The following ROBO2 variants were observed in gnomAD, a reference collection of about 807,000 sequenced individuals.
ROBO2 encodes the protein roundabout homolog 2.
Under a neutral mutation model 160.8 loss-of-function variants are expected in ROBO2, and 53 were observed. That is an observed-to-expected ratio of 0.33 (90% CI 0.26 to 0.41). The LOEUF (loss-of-function observed/expected upper bound fraction) is 0.41. ROBO2 is among the 10% of genes least tolerant of loss of function. The pLI, the probability that ROBO2 is intolerant of heterozygous loss-of-function variation, is 1.00. For missense variants in ROBO2, 1,577 were observed against 1,722.4 expected, an observed-to-expected ratio of 0.92 and a Z score of 1.49; for synonymous variants, 664 against 611.7, an observed-to-expected ratio of 1.09 and a Z score of -1.26.
In ROBO2 at chr3:76,194,353, A is replaced by ATATATATATATATATAT. The variant is rs1553672736; in HGVS notation, c.109+256751_109+256752insTATATATATATATATAT. 4.2e-4 allele frequency among the ~76,000 whole-genome samples: 40 copies of ATATATATATATATATAT among 94,520 alleles called. 6 individuals are homozygous for ATATATATATATATATAT. Among genetic ancestry groups the ATATATATATATATATAT allele is most frequent in the South Asian group, 1.0e-3 (3 of 2,982 alleles). The allele number at this position is 94,520 out of a possible 152,430, so 62.0% of individuals were successfully genotyped here. On this transcript the variant is annotated intron_variant, in intron 2 of 26. Coordinates refer to the ROBO2 transcript ENST00000487694. ...TCTATATAAATATGTATGGTGTGTAAATATATATATATATATATATATATA... is the reference window on the plus strand; with the variant it reads ...TCTATATAAATATGTATGGTGTGTAATATATATATATATATATATATATATATATATATATATATATA...
At chr3:77,548,236 A>G (rs1241328228) in intron 7 of ROBO2, among the ~76,000 whole-genome samples, 1 of 152,084 alleles carries the variant, frequency 6.6e-6, no homozygotes, top group Admixed American at 6.6e-5. Flanking sequence ...TTGTAGTGCT[A>G]TTTAAATGTA....
At chr3:76,258,749 A>G (rs1287015940) in intron 2 of ROBO2, among the ~76,000 whole-genome samples, 1 of 152,104 alleles carries the variant, frequency 6.6e-6, no homozygotes, top group Non-Finnish European at 1.5e-5. Flanking sequence ...TATTCTCAAC[A>G]TATAACTGAA....
At chr3:76,804,281 C>CA (rs1308513536) in intron 2 of ROBO2, among the ~76,000 whole-genome samples, 21 of 152,242 alleles carry the variant, frequency 1.4e-4, no homozygotes, top group African/African-American at 5.1e-4. Flanking sequence ...ACAAAAGTCT[C>CA]AGAAGAGATC....
intron 2 of ROBO2, among the ~76,000 whole-genome samples, chr3:77,154,910 T>TGG (rs1380210674): frequency 6.6e-6 from 1 of 151,850 alleles, no homozygotes; most frequent in Non-Finnish European, 1.5e-5. Context: ...AGCTACCTAT[T>TGG]GGGTACTAGA....
intron 2 of ROBO2, among the ~76,000 whole-genome samples, chr3:77,465,216 A>G (rs1219753589): frequency 6.6e-6 from 1 of 152,208 alleles, no homozygotes; most frequent in Non-Finnish European, 1.5e-5. Context: ...TTTTAGTAAT[A>G]TGGCATAATG....
intron 2 of ROBO2, among the ~76,000 whole-genome samples, chr3:76,884,908 G>A (rs978685171): frequency 6.6e-6 from 1 of 152,050 alleles, no homozygotes; most frequent in African/African-American, 2.4e-5. Flanking sequence ...CCTGCCAATA[G>A]CTTAAAGAGG....
intron 2 of ROBO2, among the ~76,000 whole-genome samples, chr3:77,325,099 A>G (rs1016586497): frequency 2.0e-5 from 3 of 152,238 alleles, no homozygotes; most frequent in Admixed American, 1.3e-4. Context: ...GAAATGATTC[A>G]TAAGTATTGC....
Position 75,975,645 on chromosome 3 carries a change from A to G in ROBO2, c.109+38043A>G, listed in dbSNP as rs74362017. ...CAACAATTATGACATTTAATCAACA[A>G]TGTGGTTGATGGAAGCCTTAAGAAA... On this transcript the variant is annotated intron_variant, in intron 2 of 26. Coordinates refer to the ROBO2 transcript ENST00000487694. 6.2e-3 allele frequency among the ~76,000 whole-genome samples: 946 copies of G among 151,666 alleles called. 18 individuals carry two copies. The highest frequency in any genetic ancestry group is 0.021 in the African/African-American group (887 of 41,472).
intron 2 of ROBO2, among the ~76,000 whole-genome samples, chr3:76,056,640 A>T (rs781539396): frequency 6.6e-6 from 1 of 152,222 alleles, no homozygotes; most frequent in Non-Finnish European, 1.5e-5. Flanking sequence ...CCTTCAGAAT[A>T]CTTAGCATAC....
chr3:76,659,586 C>T (rs1463352740), intron 2 of ROBO2, among the ~76,000 whole-genome samples: 4 of 151,966 alleles, frequency 2.6e-5, no homozygotes, highest in Non-Finnish European at 4.4e-5. Context: ...TGTTCTGGTG[C>T]CCATAATGGC....
chr3:77,378,638 T>G (rs1036546244), intron 2 of ROBO2, among the ~76,000 whole-genome samples: 5 of 152,182 alleles, frequency 3.3e-5, no homozygotes, highest in African/African-American at 1.2e-4. Flanking sequence ...AATAGAGAGA[T>G]ATGATTAAAT....
intron 2 of ROBO2, among the ~76,000 whole-genome samples, chr3:77,329,980 A>G (rs981932752): frequency 6.6e-6 from 1 of 152,224 alleles, no homozygotes; most frequent in South Asian, 2.1e-4. Flanking sequence ...GCCAAAAAAC[A>G]TGAACTTCAC....
intron 2 of ROBO2, among the ~76,000 whole-genome samples, chr3:76,447,086 T>C (rs549197376): frequency 9.2e-5 from 14 of 152,126 alleles, no homozygotes; most frequent in African/African-American, 2.4e-4. Flanking sequence ...AAAGAAACTA[T>C]CATCAGAGTG....
chr3:76,565,119 A>C (rs879185774), intron 2 of ROBO2, among the ~76,000 whole-genome samples: 3 of 152,250 alleles, frequency 2.0e-5, no homozygotes, highest in African/African-American at 7.2e-5. Context: ...GAATGGCTCA[A>C]ATGGGGGAAG....
rs956136460 is a variant in ROBO2 at position 76,395,225 on chromosome 3, T to C, written c.109+457623T>C. Among the ~76,000 whole-genome samples the C allele has an allele frequency of 4.3e-4, 64 of 150,492 alleles. 1 individual carries two copies. The highest frequency in any genetic ancestry group is 7.8e-4 in the Non-Finnish European group (53 of 67,854). On this transcript the variant is annotated intron_variant, in intron 2 of 26. Transcript: ENST00000487694. ...ACTGAACAACCTGCTCCTGAATGAC[T>C]ACTGGGTACATAACGAAATGAAGGC...
At chr3:77,476,413 C>G (rs1433867690) in intron 2 of ROBO2, among the ~76,000 whole-genome samples, 1 of 149,446 alleles carries the variant, frequency 6.7e-6, no homozygotes, top group Non-Finnish European at 1.5e-5. Flanking sequence ...TGTGTAGGTT[C>G]ATTTTACCTC....
chr3:76,335,960 CAGAT>C (rs776028886), intron 2 of ROBO2, among the ~76,000 whole-genome samples: 21 of 152,168 alleles, frequency 1.4e-4, no homozygotes, highest in Non-Finnish European at 2.6e-4. Flanking sequence ...CTTGAATACT[CAGAT>C]AGCTTACCAT....
At chr3:76,829,413 G>T (rs923324725) in intron 2 of ROBO2, among the ~76,000 whole-genome samples, 2 of 151,864 alleles carry the variant, frequency 1.3e-5, no homozygotes, top group African/African-American at 4.8e-5. Context: ...AACCACCATG[G>T]CACGTGTATA....
chr3:76,924,489 C>T (rs964042418), intron 2 of ROBO2, among the ~76,000 whole-genome samples: 3 of 152,108 alleles, frequency 2.0e-5, no homozygotes, highest in South Asian at 2.1e-4. Flanking sequence ...TTCCTATCCC[C>T]GAAACTGTGA....
Sources: gnomAD v4.1 joint callset for allele counts (sites outside exome capture counted in the v4.1 genomes callset) on GRCh38, gnomAD v4.1.1 for gene constraint, MANE v1.5 for transcripts, NCBI Gene and HGNC (gene_info 2026-07-23, HGNC 2026-07-21) for gene names.